Variants in CHST11 observed in about 807,000 individuals in gnomAD.
CHST11 encodes the protein carbohydrate sulfotransferase 11.
CHST11 carries 9 observed loss-of-function variants against 30.4 expected under a neutral mutation model. That is an observed-to-expected ratio of 0.30 (90% CI 0.18 to 0.52). The LOEUF (loss-of-function observed/expected upper bound fraction) is 0.52, where lower values mean the gene tolerates loss of function less well. Ranked by LOEUF, CHST11 falls within the 20% of genes least tolerant of loss-of-function variation. CHST11 has a pLI of 0.97. For synonymous variants in CHST11, 152 were observed against 187.8 expected (o/e 0.81, Z 1.56); for missense variants, 348 against 460.6 (o/e 0.76, Z 2.24).
chr12:104,629,399 G>T (rs1297314320), intron 2 of CHST11, among the ~76,000 whole-genome samples: 1 of 152,208 alleles, frequency 6.6e-6, no homozygotes, highest in Non-Finnish European at 1.5e-5. Context: ...ACAGTGGCTT[G>T]CTTCTTCAAG....
intron 1 of CHST11, among the ~76,000 whole-genome samples, chr12:104,518,273 C>T (rs916061658): frequency 9.9e-5 from 15 of 151,904 alleles, no homozygotes; most frequent in African/African-American, 3.6e-4. Flanking sequence ...GGTGAGAGAG[C>T]GAGACCCTGT....
chr12:104,469,398 T>C (rs1222751986), intron 1 of CHST11, among the ~76,000 whole-genome samples: 1 of 152,222 alleles, frequency 6.6e-6, no homozygotes, highest in African/African-American at 2.4e-5. Flanking sequence ...CAGGTTCCCA[T>C]TAGCTTTAAC....
intron 2 of CHST11, among the ~76,000 whole-genome samples, chr12:104,623,654 GAGCCGAGATCGCGCCACTGTCACCC>G (rs1387992415): frequency 1.3e-5 from 2 of 152,000 alleles, no homozygotes; most frequent in Non-Finnish European, 2.9e-5. Flanking sequence ...AGGTTGCGGT[GAGCCGAGATCGCGCCACTGTCACCC>G]AGCCGAGATC....
At chr12:104,675,489 C>T (rs2039732604) in intron 2 of CHST11, among the ~76,000 whole-genome samples, 1 of 152,150 alleles carries the variant, frequency 6.6e-6, no homozygotes, top group South Asian at 2.1e-4. Flanking sequence ...GTATTACTAT[C>T]TCCTGTTCAC....
intron 2 of CHST11, among the ~76,000 whole-genome samples, chr12:104,618,677 A>T (rs1230227370): frequency 3.3e-5 from 5 of 151,994 alleles, no homozygotes; most frequent in Non-Finnish European, 5.9e-5. Flanking sequence ...TGACTTTCTT[A>T]CTCCCTCACA....
intron 1 of CHST11, among the ~76,000 whole-genome samples, chr12:104,494,050 C>T (rs2037775640): frequency 6.6e-6 from 1 of 152,226 alleles, no homozygotes; most frequent in Admixed American, 6.5e-5. Context: ...TCAAGCAAGC[C>T]TTCTGCCTTG....
At chr12:104,463,284 T>G (rs957264459) in intron 1 of CHST11, among the ~76,000 whole-genome samples, 1 of 152,226 alleles carries the variant, frequency 6.6e-6, no homozygotes, top group Non-Finnish European at 1.5e-5. Flanking sequence ...GATTCATTTT[T>G]TTTTCTTTTT....
At chr12:104,656,267 A>G (rs903364195) in intron 2 of CHST11, among the ~76,000 whole-genome samples, 1 of 152,208 alleles carries the variant, frequency 6.6e-6, no homozygotes, top group African/African-American at 2.4e-5. Context: ...CTTTTGGATT[A>G]AATCAAAGTC....
chr12:104,560,827 C>T (rs766318367), intron 1 of CHST11, among the ~76,000 whole-genome samples: 6 of 152,200 alleles, frequency 3.9e-5, no homozygotes, highest in Non-Finnish European at 8.8e-5. Flanking sequence ...CTGCATTTCA[C>T]GCATTCTGGG....
At chr12:104,569,671 G>A (rs886557443) in intron 1 of CHST11, among the ~76,000 whole-genome samples, 1 of 152,146 alleles carries the variant, frequency 6.6e-6, no homozygotes, top group Non-Finnish European at 1.5e-5. Flanking sequence ...CAGATTCTAG[G>A]GGATGCCTCC....
At chr12:104,674,307 G>T (rs1236839812) in intron 2 of CHST11, among the ~76,000 whole-genome samples, 1 of 152,092 alleles carries the variant, frequency 6.6e-6, no homozygotes, top group African/African-American at 2.4e-5. Flanking sequence ...CTAATTCTAC[G>T]ACAACCAGTG....
At chr12:104,559,033 G>T (rs931505383) in intron 1 of CHST11, among the ~76,000 whole-genome samples, 1 of 151,922 alleles carries the variant, frequency 6.6e-6, no homozygotes, top group Non-Finnish European at 1.5e-5. Context: ...TGAGGCAGGA[G>T]TGTGTCTTAC....
rs527538854 is a variant in CHST11 at position 104,589,221 on chromosome 12, G to A, written c.119-12685G>A. Among the ~76,000 whole-genome samples, 14 of 151,900 alleles carry A rather than the reference G, an allele frequency of 9.2e-5. No individual in the cohort carries two copies. In the South Asian group the frequency reaches 1.0e-3, roughly 11 times the overall value. The stretch of plus-strand genomic sequence containing the variant: ...TCAAGGCAAGCCTGGGCAACATGGC[G>A]AAACCCATCTCTATAAAAAAAATTC... On this transcript the variant is annotated intron_variant, in intron 1 of 2. Transcript: ENST00000303694.
intron 2 of CHST11, among the ~76,000 whole-genome samples, chr12:104,671,210 T>C (rs1566031793): frequency 6.6e-6 from 1 of 152,188 alleles, no homozygotes; most frequent in East Asian, 1.9e-4. Flanking sequence ...CCGCAAAGCC[T>C]CTTGTGATCT....
intron 1 of CHST11, among the ~76,000 whole-genome samples, chr12:104,585,656 C>T (rs191025424): frequency 1.1e-4 from 17 of 152,192 alleles, no homozygotes; most frequent in Non-Finnish European, 2.1e-4. Context: ...GATGGGAACC[C>T]ATGTGTATCA....
At chr12:104,731,199 A>G (rs2040254422) in intron 2 of CHST11, among the ~76,000 whole-genome samples, 1 of 152,218 alleles carries the variant, frequency 6.6e-6, no homozygotes, top group Admixed American at 6.5e-5. Context: ...TGTACACGAC[A>G]TGGCTTAGAG....
chr12:104,593,930 T>C (rs1028969968), intron 1 of CHST11, among the ~76,000 whole-genome samples: 3 of 152,218 alleles, frequency 2.0e-5, no homozygotes, highest in Non-Finnish European at 4.4e-5. Flanking sequence ...TTAAACCACT[T>C]TGAGGAAGCA....
intron 2 of CHST11, among the ~76,000 whole-genome samples, chr12:104,615,657 T>G (rs549303725): frequency 2.5e-4 from 38 of 152,314 alleles, no homozygotes; most frequent in African/African-American, 8.2e-4. Context: ...CCGGGCTCGG[T>G]GGCTCACGCT....
At chr12:104,504,923 A>G (rs372175805) in intron 1 of CHST11, among the ~76,000 whole-genome samples, 16 of 152,180 alleles carry the variant, frequency 1.1e-4, no homozygotes, top group African/African-American at 3.4e-4. Flanking sequence ...GGTGATCCTC[A>G]TAGGCAGCAA....
Sources: gnomAD v4.1 joint callset for allele counts (sites outside exome capture counted in the v4.1 genomes callset) on GRCh38, gnomAD v4.1.1 for gene constraint, MANE v1.5 for transcripts, NCBI Gene and HGNC (gene_info 2026-07-23, HGNC 2026-07-21) for gene names.